The following PCLAF variants were observed in gnomAD, a reference collection of about 807,000 sequenced individuals.
PCLAF encodes PCNA-associated factor.
PCLAF carries 12 observed loss-of-function variants against 15.1 expected under a neutral mutation model. The observed-to-expected ratio is 0.79, with a 90% CI of 0.51 to 1.29. PCLAF has a LOEUF of 1.29. PCLAF is among the 50% of genes most tolerant of loss of function. PCLAF has a pLI of 0.00. For missense variants in PCLAF, 116 were observed against 130.9 expected, an observed-to-expected ratio of 0.89 and a Z score of 0.56; for synonymous variants, 33 against 47.1, an observed-to-expected ratio of 0.70 and a Z score of 1.22.
intron 3 of PCLAF, among the ~76,000 whole-genome samples, chr15:64,370,030 CTA>C (rs1899213765): frequency 6.6e-6 from 1 of 151,512 alleles, no homozygotes; most frequent in South Asian, 2.1e-4. Context: ...ACAGGAACAA[CTA>C]AGCATCAGTG....
At chr15:64,383,168 T>C (rs1409122701), upstream of PCLAF, among the ~76,000 whole-genome samples, 1 of 152,194 alleles carries the variant, frequency 6.6e-6, no homozygotes, top group African/African-American at 2.4e-5. Flanking sequence ...CTGCACTCTG[T>C]AACACAGATT....
Position 64,380,974 on chromosome 15 carries a change from T to G in PCLAF, c.111A>C (p.Ser37=). The G allele has an allele frequency of 6.2e-7, 1 of 1,614,028 alleles. No individual in the cohort carries two copies. Among genetic ancestry groups the G allele is most frequent in the Non-Finnish European group, 8.5e-7 (1 of 1,180,004 alleles). ...TCTTCTTACCTTTCCTCGATGAAAC[T>G]GATGTCGAATTAGTGGCAGAGGTGG... ...GSSTSATNST[S]VSSRKAENKY... The change falls in exon 2 of 4, where the codon TCA becomes TCC. Residue 37 remains serine, a synonymous_variant. Transcript: ENST00000300035.
rs528002964 is a variant in PCLAF at position 64,381,012 on chromosome 15, C to A, written c.73G>T (p.Val25Leu). 24 of 1,614,136 alleles carry A rather than the reference C, an allele frequency of 1.5e-5. No homozygotes were observed. The highest frequency in any genetic ancestry group is 5.0e-5 in the Admixed American group (3 of 60,010). ...GTGGCAGAGGTGGAAGAACCAAGCA[C>A]CTTTCTGGGGGCTCGAGCAGCCACC... ...KVVAARAPRKVLGSSTSATNS... is the reference protein window; with the variant it reads ...KVVAARAPRKLLGSSTSATNS... The change falls in exon 2 of 4, where the codon GTG becomes TTG. Residue 25 changes from valine (V) to leucine (L), a missense_variant. Val to Leu is a conservative substitution (Grantham distance 32). Coordinates refer to ENST00000300035, the MANE Select transcript of PCLAF (RefSeq NM_014736.6).
upstream of PCLAF, among the ~76,000 whole-genome samples, chr15:64,384,717 G>A (rs868639537): frequency 2.7e-5 from 4 of 149,962 alleles, no homozygotes; most frequent in South Asian, 2.1e-4. Context: ...ACTCCAGCCT[G>A]GGTGATGGAG....
At chr15:64,386,258 T>C (rs1249854201), upstream of PCLAF, among the ~76,000 whole-genome samples, 1 of 151,982 alleles carries the variant, frequency 6.6e-6, no homozygotes, top group East Asian at 1.9e-4. Context: ...TGGAAAATCA[T>C]CTGCTTTCCA....
intron 3 of PCLAF, chr15:64,373,608 T>C (rs894031634): frequency 3.8e-5 from 56 of 1,474,236 alleles, no homozygotes; most frequent in Non-Finnish European, 4.8e-5. Flanking sequence ...TCCGGCATAC[T>C]GGTTAAAGGA....
chr15:64,366,872 C>T (rs1356503208), intron 3 of PCLAF, among the ~76,000 whole-genome samples: 2 of 151,758 alleles, frequency 1.3e-5, no homozygotes, highest in African/African-American at 4.8e-5. Flanking sequence ...ACTTGGGAGG[C>T]TAAGGCAGGA....
intron 3 of PCLAF, among the ~76,000 whole-genome samples, chr15:64,374,545 A>G (rs889482805): frequency 6.6e-6 from 1 of 151,910 alleles, no homozygotes; most frequent in Non-Finnish European, 1.5e-5. Flanking sequence ...TCTCAAAAAA[A>G]AAAAAAGTTT....
At chr15:64,373,682 G>C (rs988808069) in intron 3 of PCLAF, 11 of 1,533,950 alleles carry the variant, frequency 7.2e-6, no homozygotes, top group Non-Finnish European at 8.7e-6. Flanking sequence ...AATGAGCATC[G>C]CCACCATCCC....
At chr15:64,376,201 G>T (rs537040394) in intron 3 of PCLAF, among the ~76,000 whole-genome samples, 2 of 152,152 alleles carry the variant, frequency 1.3e-5, no homozygotes, top group African/African-American at 4.8e-5. Context: ...CTCTAGCCTG[G>T]GCAACAGAGC....
chr15:64,378,613 T>C (rs751610623), intron 2 of PCLAF, among the ~76,000 whole-genome samples: 2 of 152,092 alleles, frequency 1.3e-5, no homozygotes, highest in African/African-American at 4.8e-5. Context: ...CTTTTACTAC[T>C]AGAAAACATA....
At chr15:64,385,460 T>C (rs1235469708), upstream of PCLAF, among the ~76,000 whole-genome samples, 1 of 151,852 alleles carries the variant, frequency 6.6e-6, no homozygotes, top group Non-Finnish European at 1.5e-5. Context: ...ACCCCATCTC[T>C]ACTACAAATA....
exon 1 of PCLAF, chr15:64,387,468 G>A (rs7172341): frequency 5.7e-5 from 73 of 1,270,690 alleles, no homozygotes; most frequent in East Asian, 5.4e-4. Flanking sequence ...TACCTTCCAC[G>A]TGCTGTTTTA....
chr15:64,372,471 G>A (rs936533901), intron 3 of PCLAF, among the ~76,000 whole-genome samples: 9 of 151,522 alleles, frequency 5.9e-5, no homozygotes, highest in Non-Finnish European at 8.8e-5. Context: ...AAAATTAGCC[G>A]GGCGTGGCGG....
At position 64,377,489 on chromosome 15, in the gene PCLAF, ATAT is replaced by A. The variant is rs1342067515; in HGVS notation, c.128-587_128-585del. 5.8e-3 allele frequency among the ~76,000 whole-genome samples: 96 copies of A among 16,452 alleles called. 13 individuals carry two copies. The highest frequency in any genetic ancestry group is 0.012 in the East Asian group (5 of 414). 10.8% of individuals were successfully genotyped at this position (16,452 alleles called of 152,430 possible). On this transcript the variant is annotated intron_variant, in intron 2 of 3. Coordinates refer to ENST00000300035, the MANE Select transcript of PCLAF (RefSeq NM_014736.6). Reference sequence around the variant, plus strand: ...CTGTCTCAAAAAAAAAAAAAAAAAAATATATATATATATATATATATATATATA... The same window carrying A: ...CTGTCTCAAAAAAAAAAAAAAAAAAAATATATATATATATATATATATATA...
Position 64,387,397 on chromosome 15 carries a change from A to G in PCLAF, n.241+50T>C, listed in dbSNP as rs1337956992. 8 of 1,021,314 alleles carry G rather than the reference A, an allele frequency of 7.8e-6. No individual in the cohort carries two copies. In the East Asian group the frequency reaches 4.1e-4, roughly 52 times the overall value. The allele number at this position is 1,021,314 out of a possible 1,614,324, so 63.3% of individuals were successfully genotyped here. A position where few individuals can be genotyped will look rare whatever the true frequency, so the allele number is the denominator to read the frequency against. On this transcript the variant is annotated intron_variant and non_coding_transcript_variant, in intron 1 of 1. Coordinates refer to the PCLAF transcript ENST00000558250. The stretch of plus-strand genomic sequence containing the variant: ...ACTCCGTCTCAAAATAAATAAATAA[A>G]TTAATTAATTAATTAAAAAATTAAA...
At chr15:64,373,787 T>G in intron 3 of PCLAF, 2 of 1,534,848 alleles carry the variant, frequency 1.3e-6, no homozygotes, top group Non-Finnish European at 1.7e-6. Flanking sequence ...AGATAGCAAG[T>G]AGGGTCTTAT....
chr15:64,377,750 T>G (rs76194626), intron 2 of PCLAF, among the ~76,000 whole-genome samples: 1 of 80,386 alleles, frequency 1.2e-5, no homozygotes, highest in African/African-American at 4.5e-5. Flanking sequence ...TCCTGGTGTT[T>G]TTTTTTTTTT....
At position 64,365,849 on chromosome 15, in the gene PCLAF, T is replaced by TA. The variant is rs1899009004; in HGVS notation, c.*180dup. On this transcript the variant is annotated 3_prime_UTR_variant, in exon 4 of 4. Transcript: ENST00000300035. ...TATTGAATACTAAGCTAAGTTACCA[T>TA]AATTAGTCTTACAAATTCTCAAATT... 1.6e-6 allele frequency: 1 copy of TA among 610,986 alleles called. No homozygotes were observed. Among genetic ancestry groups the TA allele is most frequent in the Admixed American group, 3.1e-5 (1 of 31,864 alleles). 37.8% of individuals were successfully genotyped at this position (610,986 alleles called of 1,614,324 possible).
Sources: allele counts gnomAD v4.1 joint callset (sites outside exome capture counted in the v4.1 genomes callset), GRCh38; gene constraint gnomAD v4.1.1; transcripts MANE v1.5; gene names NCBI Gene and HGNC (gene_info 2026-07-23, HGNC 2026-07-21).